KCNN3: variants seen among roughly 807,000 people sequenced by gnomAD.
KCNN3 encodes the protein small conductance calcium-activated potassium channel protein 3.
Under a neutral mutation model 62.9 loss-of-function variants are expected in KCNN3, and 16 were observed. The observed-to-expected ratio is 0.25, with a 90% CI of 0.17 to 0.39. The LOEUF (loss-of-function observed/expected upper bound fraction) is 0.39. Among genes scored for constraint, KCNN3 ranks in the 10% least tolerant of loss-of-function variants. The pLI, the probability that KCNN3 is intolerant of heterozygous loss-of-function variation, is 1.00. For synonymous variants in KCNN3, 370 were observed against 389.2 expected (o/e 0.95, Z 0.58); for missense variants, 599 against 949.4 (o/e 0.63, Z 4.85).
intron 3 of KCNN3, among the ~76,000 whole-genome samples, chr1:154,754,044 G>C (rs553240683): frequency 2.0e-5 from 3 of 152,290 alleles, no homozygotes; most frequent in Admixed American, 2.0e-4. Context: ...GGAATGCAAA[G>C]TATCATTATT....
chr1:154,838,046 T>TCCAGCTGCCA (rs1315154513), intron 1 of KCNN3, among the ~76,000 whole-genome samples: 2 of 152,136 alleles, frequency 1.3e-5, no homozygotes, highest in African/African-American at 4.8e-5. Flanking sequence ...CCCCTCTCCC[T>TCCAGCTGCCA]CCAGCTGCCA....
rs138909459 is a variant in KCNN3, at chr1:154,705,104, C to A, written c.*2872G>T. On this transcript the variant is annotated 3_prime_UTR_variant, in exon 8 of 8. Coordinates refer to ENST00000271915, the MANE Select transcript of KCNN3 (RefSeq NM_002249.6). Reference sequence around the variant, plus strand: ...CAGATTCTTGAGCAGATAATTAAACCTCCTCCACCACAAAACTTGAAAATA... The same window carrying A: ...CAGATTCTTGAGCAGATAATTAAACATCCTCCACCACAAAACTTGAAAATA... 2 of 152,256 alleles carry A rather than the reference C, an allele frequency of 1.3e-5. No individual in the cohort carries two copies. The highest frequency in any genetic ancestry group is 2.9e-5 in the Non-Finnish European group (2 of 68,026). The allele number at this position is 152,256 out of a possible 1,614,324, so 9.4% of individuals were successfully genotyped here.
intron 1 of KCNN3, among the ~76,000 whole-genome samples, chr1:154,844,634 G>A (rs1365227901): frequency 2.0e-5 from 3 of 149,280 alleles, no homozygotes; most frequent in Non-Finnish European, 3.0e-5. Flanking sequence ...AAGGGCTTTC[G>A]CTCTGCTATC....
intron 1 of KCNN3, among the ~76,000 whole-genome samples, chr1:154,843,059 A>G (rs1049870312): frequency 3.0e-4 from 45 of 152,182 alleles, no homozygotes; most frequent in Admixed American, 2.0e-3. Flanking sequence ...AATGACAGCT[A>G]TGAGTGCCTT....
At position 154,869,056 on chromosome 1, in the gene KCNN3, C is replaced by A. The variant is rs1329360033; in HGVS notation, c.909G>T (p.Glu303Asp). 1 of 1,614,176 alleles carries A rather than the reference C, an allele frequency of 6.2e-7. No homozygotes were observed. The highest frequency in any genetic ancestry group is 8.5e-7 in the Non-Finnish European group (1 of 1,180,026). ...FGIVVMVIET[E>D]LSWGLYSKDS... ...CCTTTGAGTACAAACCCCAAGAGAG[C>A]TCGGTCTCTATCACCATAACAACAA... Residue 303 changes from glutamate to aspartate, a missense_variant, in exon 1 of 8, where the codon GAG becomes GAT. By Grantham distance (45) the Glu-to-Asp change is conservative (BLOSUM62 2). Transcript: ENST00000271915. This position sits in a 1 kb window ranked among gnomAD's most constrained non-coding sequence, Gnocchi z 6.1.
At chr1:154,746,464 C>T (rs998572318) in intron 3 of KCNN3, among the ~76,000 whole-genome samples, 2 of 152,270 alleles carry the variant, frequency 1.3e-5, no homozygotes, top group East Asian at 1.9e-4. Context: ...AGCAGAACCC[C>T]GTGAACTCAC....
intron 7 of KCNN3, among the ~76,000 whole-genome samples, chr1:154,711,109 A>C (rs1700064463): frequency 6.6e-6 from 1 of 152,086 alleles, no homozygotes; most frequent in South Asian, 2.1e-4. Flanking sequence ...TCTGACAATG[A>C]TAGACTGGAT....
chr1:154,737,472 G>A (rs2016850), intron 3 of KCNN3, among the ~76,000 whole-genome samples: 152,311 of 152,320 alleles, frequency 1, 76,151 homozygotes, highest in Non-Finnish European at 1. Context: ...TTAAAAATAA[G>A]CAGGCAACCA....
At chr1:154,714,261 GTGTGGTA>G (rs1700159919) in intron 6 of KCNN3, among the ~76,000 whole-genome samples, 2 of 136,786 alleles carry the variant, frequency 1.5e-5, no homozygotes, top group Non-Finnish European at 1.6e-5. Flanking sequence ...TGTGTGTGAT[GTGTGGTA>G]TGTGGTGTGT....
intron 1 of KCNN3, among the ~76,000 whole-genome samples, chr1:154,827,364 T>A (rs1651179245): frequency 6.6e-6 from 1 of 152,228 alleles, no homozygotes; most frequent in Admixed American, 6.5e-5. Context: ...CTGAGGCTTC[T>A]TTCCCTCCAC....
chr1:154,758,257 G>A (rs531535488), intron 3 of KCNN3, among the ~76,000 whole-genome samples: 1 of 152,212 alleles, frequency 6.6e-6, no homozygotes, highest in Non-Finnish European at 1.5e-5. Context: ...AAGGTTAATG[G>A]TAGAACCAGG....
chr1:154,836,766 C>A (rs1459036964), intron 1 of KCNN3, among the ~76,000 whole-genome samples: 1 of 152,198 alleles, frequency 6.6e-6, no homozygotes, highest in Non-Finnish European at 1.5e-5. Context: ...CGGCTGGAGC[C>A]CGAGAGCCGC....
At chr1:154,791,849 C>T (rs903070181) in intron 2 of KCNN3, among the ~76,000 whole-genome samples, 1 of 152,208 alleles carries the variant, frequency 6.6e-6, no homozygotes, top group Non-Finnish European at 1.5e-5. Flanking sequence ...AAAAACCAAA[C>T]CTCCTCTGAG....
chr1:154,732,951 C>T (rs1700629459), intron 4 of KCNN3, 52 bp downstream of exon 4: 3 of 1,605,282 alleles, frequency 1.9e-6, no homozygotes, highest in Admixed American at 1.7e-5. Context: ...AGAAAGAGTT[C>T]AGCTCTTTGC....
chr1:154,786,535 A>C (rs1649290140), intron 2 of KCNN3, among the ~76,000 whole-genome samples: 1 of 152,244 alleles, frequency 6.6e-6, no homozygotes, highest in Non-Finnish European at 1.5e-5. Flanking sequence ...AAGTAAAAAG[A>C]GAAACTTACA....
At chr1:154,773,948 C>T (rs1253916914) in intron 2 of KCNN3, among the ~76,000 whole-genome samples, 1 of 152,194 alleles carries the variant, frequency 6.6e-6, no homozygotes, top group Non-Finnish European at 1.5e-5. Flanking sequence ...TCAGACAGTG[C>T]AGTGAAGTGT....
At chr1:154,773,436 G>A (rs911592971) in intron 2 of KCNN3, among the ~76,000 whole-genome samples, 13 of 152,348 alleles carry the variant, frequency 8.5e-5, no homozygotes, top group East Asian at 1.9e-4. Flanking sequence ...TGAGAAGGGC[G>A]TCCTGGGAAT....
chr1:154,718,503 G>A (rs980830322), intron 5 of KCNN3, among the ~76,000 whole-genome samples: 2 of 152,194 alleles, frequency 1.3e-5, no homozygotes, highest in Non-Finnish European at 2.9e-5. Context: ...ATAAATAGAC[G>A]TGATCATCAG....
chr1:154,845,020 AG>A (rs1265637254), intron 1 of KCNN3, among the ~76,000 whole-genome samples: 2 of 121,328 alleles, frequency 1.6e-5, no homozygotes, highest in South Asian at 2.8e-4. Flanking sequence ...AACAAAAAAA[AG>A]AGAGAGAAAA....
Sources: gnomAD v4.1 joint callset for allele counts (sites outside exome capture counted in the v4.1 genomes callset) on GRCh38, gnomAD v4.1.1 for gene constraint, Gnocchi (gnomAD v3.1) non-coding constraint, MANE v1.5 for transcripts, NCBI Gene and HGNC (gene_info 2026-07-23, HGNC 2026-07-21) for gene names.